RANBP2: variants seen among roughly 807,000 people sequenced by gnomAD.
RANBP2 encodes RAN binding protein 2.
Under a neutral mutation model 303.6 loss-of-function variants are expected in RANBP2, and 57 were observed. The observed-to-expected ratio is 0.19, with a 90% CI of 0.15 to 0.23. The LOEUF (loss-of-function observed/expected upper bound fraction) is 0.23. Among genes scored for constraint, RANBP2 ranks in the 10% least tolerant of loss-of-function variants. The pLI, the probability that RANBP2 is intolerant of heterozygous loss-of-function variation, is 1.00. For missense variants in RANBP2, 3,138 were observed against 3,780.8 expected (o/e 0.83, Z 4.46); for synonymous variants, 1,167 against 1,301.5 (o/e 0.90, Z 2.23).
chr2:109,212,020 A>G, the RANBP2 span, among the ~76,000 whole-genome samples: 2 of 152,312 alleles, frequency 1.3e-5, no homozygotes, highest in South Asian at 4.1e-4. Flanking sequence ...CTGATTGAGC[A>G]CCTGCATTGG....
chr2:109,650,657 G>A, the RANBP2 span, among the ~76,000 whole-genome samples: 1 of 152,294 alleles, frequency 6.6e-6, no homozygotes, highest in African/African-American at 2.4e-5. Context: ...CATGGGCGGA[G>A]CTTCCTCCGT....
At chr2:109,254,524 T>G in the RANBP2 span, among the ~76,000 whole-genome samples, 1 of 152,220 alleles carries the variant, frequency 6.6e-6, no homozygotes, top group Non-Finnish European at 1.5e-5. Context: ...ACTGAGCTGA[T>G]GTACCTGGGT....
At chr2:108,996,018 G>GAA in the RANBP2 span, among the ~76,000 whole-genome samples, 1 of 152,202 alleles carries the variant, frequency 6.6e-6, no homozygotes, top group African/African-American at 2.4e-5. Context: ...TTCTTTTCTA[G>GAA]ATAAGCAAGG....
the RANBP2 span, chr2:109,129,975 G>C: frequency 1.5e-6 from 2 of 1,326,824 alleles, no homozygotes; most frequent in African/African-American, 1.5e-5. Context: ...GCCAGAGTGC[G>C]GCCCCCACGC....
chr2:109,295,537 C>A, the RANBP2 span, among the ~76,000 whole-genome samples: 1 of 152,284 alleles, frequency 6.6e-6, no homozygotes, highest in East Asian at 1.9e-4. Context: ...AAGAAGGGGG[C>A]TTCATGTTGA....
Position 108,753,620 on chromosome 2 carries a change from A to T in RANBP2, c.2055+57A>T, listed in dbSNP as rs373883183. Reference sequence around the variant, plus strand: ...TTATTTATTTATTTATTATTTTTTTAAAAGACGGGGTTTCTCTGTTGGTCG... The same window carrying T: ...TTATTTATTTATTTATTATTTTTTTTAAAGACGGGGTTTCTCTGTTGGTCG... On this transcript the variant is annotated intron_variant, in intron 14 of 28. Transcript: ENST00000283195. The T allele has an allele frequency of 2.8e-5, 44 of 1,592,750 alleles. No individual in the cohort carries two copies. The African/African-American group carries it at 5.6e-4, about 20-fold the overall frequency.
chr2:109,305,013 C>T, the RANBP2 span, among the ~76,000 whole-genome samples: 1 of 152,198 alleles, frequency 6.6e-6, no homozygotes, highest in Non-Finnish European at 1.5e-5. Context: ...GTCTGGATAT[C>T]TGGTTTCACT....
At chr2:108,742,515 A>G (rs1280222339) in intron 7 of RANBP2, among the ~76,000 whole-genome samples, 4 of 151,838 alleles carry the variant, frequency 2.6e-5, no homozygotes, top group South Asian at 2.1e-4. Context: ...CATGTTAGCC[A>G]GGATGGTCTC....
At chr2:108,788,569 A>G (rs914724980), downstream of RANBP2, among the ~76,000 whole-genome samples, 2 of 151,180 alleles carry the variant, frequency 1.3e-5, no homozygotes, top group Non-Finnish European at 2.9e-5. Flanking sequence ...AAATACAAAA[A>G]ATTAGCCGGG....
Position 108,735,547 on chromosome 2 carries a change from T to C in RANBP2, c.421T>C (p.Cys141Arg), listed in dbSNP as rs1695506772. The C allele has an allele frequency of 5.6e-6, 9 of 1,597,570 alleles. No individual in the cohort carries two copies. Among genetic ancestry groups the C allele is most frequent in the Non-Finnish European group, 7.6e-6 (9 of 1,179,784 alleles). Residue 141 changes from cysteine to arginine, a missense_variant, in exon 5 of 29, where the codon TGT (cysteine) becomes CGT (arginine). By Grantham distance (180) the Cys-to-Arg change is radical. Coordinates refer to ENST00000283195, the MANE Select transcript of RANBP2 (RefSeq NM_006267.5). ...IYKLKEQLLDCEGEDGWNKLF... is the reference protein window; with the variant it reads ...IYKLKEQLLDREGEDGWNKLF... Reference sequence around the variant, plus strand: ...CTCTAAATAGGAACAGCTTCTAGATTGTGAAGGTGAAGATGGATGGAATAA... The same window carrying C: ...CTCTAAATAGGAACAGCTTCTAGATCGTGAAGGTGAAGATGGATGGAATAA...
the RANBP2 span, among the ~76,000 whole-genome samples, chr2:109,558,892 C>CTT: frequency 2.4e-4 from 35 of 147,792 alleles, no homozygotes; most frequent in South Asian, 2.2e-4. Context: ...GATATAAATT[C>CTT]TTTTTTTTTT....
chr2:108,798,816 T>TACACACACACACAC, the RANBP2 span, among the ~76,000 whole-genome samples: 26 of 131,636 alleles, frequency 2.0e-4, no homozygotes, highest in Middle Eastern at 4.1e-3. Flanking sequence ...TCTCCACACC[T>TACACACACACACAC]ACACACACAC....
chr2:108,940,867 A>G, the RANBP2 span, among the ~76,000 whole-genome samples: 1 of 152,168 alleles, frequency 6.6e-6, no homozygotes, highest in Non-Finnish European at 1.5e-5. Context: ...TAGTTTTAAA[A>G]CTAATCACGT....
chr2:108,929,790 G>A, the RANBP2 span, among the ~76,000 whole-genome samples: 1 of 152,094 alleles, frequency 6.6e-6, no homozygotes, highest in East Asian at 1.9e-4. Context: ...GCAGCACTCA[G>A]GAAAAAATGT....
At chr2:109,399,901 C>T in the RANBP2 span, among the ~76,000 whole-genome samples, 1 of 152,226 alleles carries the variant, frequency 6.6e-6, no homozygotes, top group South Asian at 2.1e-4. Context: ...GGTGCCCACA[C>T]AATGGTGCCC....
At chr2:109,121,420 A>G in the RANBP2 span, among the ~76,000 whole-genome samples, 9 of 152,364 alleles carry the variant, frequency 5.9e-5, no homozygotes, top group East Asian at 1.2e-3. Flanking sequence ...TTACACCGCA[A>G]TTACCTAGAA....
chr2:109,131,657 C>T, the RANBP2 span, among the ~76,000 whole-genome samples: 2 of 152,122 alleles, frequency 1.3e-5, no homozygotes, highest in East Asian at 1.9e-4. Context: ...GATGCCACTC[C>T]GGGAATTCTG....
chr2:109,480,554 A>G, the RANBP2 span, among the ~76,000 whole-genome samples: 1 of 152,160 alleles, frequency 6.6e-6, no homozygotes, highest in Non-Finnish European at 1.5e-5. Context: ...GGCAGCCAAC[A>G]CTTGTCACTC....
chr2:109,199,587 T>TTAACC, the RANBP2 span, among the ~76,000 whole-genome samples: 89 of 956 alleles, frequency 0.093, no homozygotes, highest in East Asian at 0.14. Context: ...TGGAATGGAA[T>TTAACC]GGAATGGAAT....
Sources: gnomAD v4.1 joint callset for allele counts (sites outside exome capture counted in the v4.1 genomes callset) on GRCh38, gnomAD v4.1.1 for gene constraint, MANE v1.5 for transcripts, NCBI Gene and HGNC (gene_info 2026-07-23, HGNC 2026-07-21) for gene names.